ADGRV1: variants seen among roughly 807,000 people sequenced by gnomAD.
The protein encoded by ADGRV1 is adhesion G protein-coupled receptor V1.
ADGRV1 carries 359 observed loss-of-function variants against 596.2 expected under a neutral mutation model. The observed-to-expected ratio is 0.60, with a 90% CI of 0.55 to 0.66. The LOEUF (loss-of-function observed/expected upper bound fraction) is 0.66, where lower values mean the gene tolerates loss of function less well. Among genes scored for constraint, ADGRV1 ranks in the 30% least tolerant of loss-of-function variants. The pLI is 0.00. For missense variants in ADGRV1, 7,274 were observed against 7,575.6 expected (o/e 0.96, Z 1.48); for synonymous variants, 2,681 against 2,679.2 (o/e 1.00, Z -0.02).
chr5:90,920,118 T>C (rs991443707), intron 83 of ADGRV1, among the ~76,000 whole-genome samples: 4 of 152,180 alleles, frequency 2.6e-5, no homozygotes, highest in Non-Finnish European at 5.9e-5. Context: ...AACCAACATT[T>C]ATTTCTCACA....
At chr5:90,976,322 G>GTGTGTGTGTA (rs1420288881) in intron 84 of ADGRV1, among the ~76,000 whole-genome samples, 106 of 108,614 alleles carry the variant, frequency 9.8e-4, no homozygotes, top group African/African-American at 3.8e-3. Context: ...GTGTGTGTGT[G>GTGTGTGTGTA]TATATATATA....
At chr5:90,721,508 A>AT (rs1561594536) in intron 45 of ADGRV1, among the ~76,000 whole-genome samples, 38 of 49,594 alleles carry the variant, frequency 7.7e-4, no homozygotes, top group East Asian at 2.0e-3. Flanking sequence ...GGTCTAAAAA[A>AT]TAAAATAAAA....
chr5:90,994,428 T>C (rs1319883487), intron 85 of ADGRV1, among the ~76,000 whole-genome samples: 3 of 152,224 alleles, frequency 2.0e-5, no homozygotes, highest in Non-Finnish European at 2.9e-5. Flanking sequence ...TATCTCTTTA[T>C]TGATATTTTC....
At chr5:90,607,333 C>G (rs939821007) in intron 1 of ADGRV1, among the ~76,000 whole-genome samples, 1 of 152,110 alleles carries the variant, frequency 6.6e-6, no homozygotes, top group African/African-American at 2.4e-5. Context: ...GGGGAGAAAA[C>G]TGCTGCAGGA....
chr5:90,967,590 CT>C (rs1430886595), intron 84 of ADGRV1, among the ~76,000 whole-genome samples: 1 of 152,126 alleles, frequency 6.6e-6, no homozygotes, highest in African/African-American at 2.4e-5. Context: ...GTCCATGCCC[CT>C]GACCTATTCA....
At chr5:90,971,357 A>G (rs768179558) in intron 84 of ADGRV1, among the ~76,000 whole-genome samples, 1 of 152,218 alleles carries the variant, frequency 6.6e-6, no homozygotes, top group African/African-American at 2.4e-5. Flanking sequence ...GAATGCCACA[A>G]AGATATTCCT....
At chr5:90,826,663 A>G (rs1174610115) in intron 76 of ADGRV1, among the ~76,000 whole-genome samples, 1 of 151,938 alleles carries the variant, frequency 6.6e-6, no homozygotes, top group Admixed American at 6.6e-5. Flanking sequence ...GAGGGAATGC[A>G]ATGACTTGAG....
chr5:90,688,069 AAAG>A (rs1745923944), intron 29 of ADGRV1, among the ~76,000 whole-genome samples: 1 of 152,108 alleles, frequency 6.6e-6, no homozygotes, highest in South Asian at 2.1e-4. Context: ...TGGAACCAAA[AAAG>A]AGCCCGCATC....
intron 85 of ADGRV1, among the ~76,000 whole-genome samples, chr5:91,063,093 G>A (rs1221026489): frequency 6.6e-6 from 1 of 150,928 alleles, no homozygotes; most frequent in Non-Finnish European, 1.5e-5. Flanking sequence ...GAGAAACTGG[G>A]AACACAGGCA....
At chr5:90,698,436 C>T (rs1237409219) in intron 34 of ADGRV1, among the ~76,000 whole-genome samples, 2 of 152,232 alleles carry the variant, frequency 1.3e-5, no homozygotes, top group Middle Eastern at 3.4e-3. Flanking sequence ...TGCTTATGCC[C>T]AGCTGTGTCA....
At chr5:90,749,226 GA>G (rs1310273928) in intron 52 of ADGRV1, among the ~76,000 whole-genome samples, 1 of 152,160 alleles carries the variant, frequency 6.6e-6, no homozygotes, top group Non-Finnish European at 1.5e-5. Context: ...CTGTTCAGTA[GA>G]ATTCTTCATT....
Position 90,802,765 on chromosome 5 carries a change from C to T in ADGRV1, c.14544C>T (p.Phe4848=), listed in dbSNP as rs945988419. ...TCTTCCTATCACTGGGCTCTAATTT[C>T]ACTTTGCAACTGGTGACTGTGATGC... is the stretch of plus-strand genomic sequence containing the variant. ...NQVFLSLGSN[F]TLQLVTVMLV... is the part of the protein sequence containing the mutation. The change falls in exon 71 of 90, where the codon TTC becomes TTT. Residue 4848 remains phenylalanine, a synonymous_variant. Coordinates refer to ENST00000405460, the MANE Select transcript of ADGRV1 (RefSeq NM_032119.4). The T allele has an allele frequency of 1.2e-6, 2 of 1,612,474 alleles. No homozygotes were observed. Among genetic ancestry groups the T allele is most frequent in the African/African-American group, 1.3e-5 (1 of 74,994 alleles).
At chr5:90,665,599 G>C (rs889216067) in intron 21 of ADGRV1, among the ~76,000 whole-genome samples, 3 of 150,146 alleles carry the variant, frequency 2.0e-5, no homozygotes, top group South Asian at 2.1e-4. Context: ...AGGGTTTTTT[G>C]TGTCTCTATT....
rs181911691 is a variant in ADGRV1, at chr5:90,997,501, T to C, written c.18152+11979T>C. The stretch of plus-strand genomic sequence containing the variant: ...ACAGCCTGCAGAACTATAAGTCAAT[T>C]AAACCTCTTTTCTTCATAAATTACC... On this transcript the variant is annotated intron_variant, in intron 85 of 89. Coordinates refer to ENST00000405460, the MANE Select transcript of ADGRV1 (RefSeq NM_032119.4). 2.5e-4 allele frequency among the ~76,000 whole-genome samples: 38 copies of C among 152,308 alleles called. No individual in the cohort carries two copies. The East Asian group carries it at 7.0e-3, about 28-fold the overall frequency.
chr5:90,884,192 G>C (rs1770062412), intron 83 of ADGRV1, among the ~76,000 whole-genome samples: 1 of 152,206 alleles, frequency 6.6e-6, no homozygotes, highest in Non-Finnish European at 1.5e-5. Flanking sequence ...AGGATGTTTA[G>C]CGGCATCCCT....
intron 70 of ADGRV1, among the ~76,000 whole-genome samples, chr5:90,800,459 C>T (rs1295032955): frequency 6.6e-6 from 1 of 151,438 alleles, no homozygotes; most frequent in Non-Finnish European, 1.5e-5. Context: ...AATAGGAATG[C>T]TTTTACACTG....
chr5:90,829,292 A>T (rs139237812), intron 77 of ADGRV1, 106 bp downstream of exon 77: 5 of 1,000,000 alleles, frequency 5.0e-6, no homozygotes, highest in Non-Finnish European at 6.9e-6. Context: ...TGAGGATAAC[A>T]TCGTAATTCA....
intron 77 of ADGRV1, 136 bp from the exon 78 acceptor site, chr5:90,840,442 C>A: frequency 3.2e-6 from 2 of 631,048 alleles, no homozygotes; most frequent in Non-Finnish European, 5.3e-6. Context: ...AAAACCCCAT[C>A]TTTAGGTAGT....
intron 87 of ADGRV1, among the ~76,000 whole-genome samples, chr5:91,125,705 G>T (rs1793688733): frequency 6.6e-6 from 1 of 152,186 alleles, no homozygotes; most frequent in Non-Finnish European, 1.5e-5. Context: ...GAGAAGAGTT[G>T]CACGGCCTTA....
Sources: gnomAD v4.1 joint callset for allele counts (sites outside exome capture counted in the v4.1 genomes callset) on GRCh38, gnomAD v4.1.1 for gene constraint, MANE v1.5 for transcripts, NCBI Gene and HGNC (gene_info 2026-07-23, HGNC 2026-07-21) for gene names.